The following SPATA17 variants were observed in gnomAD, a reference collection of about 807,000 sequenced individuals.
The protein encoded by SPATA17 is spermatogenesis-associated protein 17.
Under a neutral mutation model 62.2 loss-of-function variants are expected in SPATA17, and 53 were observed. The ratio of observed to expected loss-of-function variants is 0.85; its 90% CI spans 0.68 to 1.07. SPATA17 has a LOEUF of 1.07. Among genes scored for constraint, SPATA17 ranks in the 50% least tolerant of loss-of-function variants. The pLI, the probability that SPATA17 is intolerant of heterozygous loss-of-function variation, is 0.00. For synonymous variants in SPATA17, 146 were observed against 146.8 expected (o/e 0.99, Z 0.04); for missense variants, 466 against 425.5 (o/e 1.10, Z -0.84).
intron 5 of SPATA17, among the ~76,000 whole-genome samples, chr1:217,722,617 C>T (rs572190341): frequency 2.0e-5 from 3 of 152,136 alleles, no homozygotes; most frequent in Admixed American, 2.0e-4. Flanking sequence ...TTTGAATGAG[C>T]ATTTTTAAAG....
At chr1:217,860,721 C>T (rs988935980) in intron 9 of SPATA17, among the ~76,000 whole-genome samples, 1 of 151,998 alleles carries the variant, frequency 6.6e-6, no homozygotes, top group African/African-American at 2.4e-5. Flanking sequence ...TACTTTTACC[C>T]TGTGTTTTCA....
chr1:217,669,113 G>A, intron 4 of SPATA17, 30 bp downstream of exon 4: 1 of 1,599,084 alleles, frequency 6.3e-7, no homozygotes, highest in Non-Finnish European at 8.5e-7. Context: ...TTAAACAAAT[G>A]AAAAGTCAAT....
In SPATA17 at chr1:217,846,676, G is replaced by A. The variant is rs114088789; in HGVS notation, c.1006-16098G>A. On this transcript the variant is annotated intron_variant, in intron 9 of 10. Transcript: ENST00000366933. ...TATTTTTGCCTGTCCACATCAGAAC[G>A]TCATGTTATATATACTTGCTACTTT... Among the ~76,000 whole-genome samples the A allele has an allele frequency of 8.6e-3, 1,309 of 152,014 alleles. 12 individuals carry two copies. Among genetic ancestry groups the A allele is most frequent in the African/African-American group, 0.03 (1,242 of 41,500 alleles).
chr1:217,715,653 C>T (rs796616446), intron 5 of SPATA17, among the ~76,000 whole-genome samples: 51 of 149,958 alleles, frequency 3.4e-4, no homozygotes, highest in African/African-American at 1.2e-3. Flanking sequence ...TACATTCATA[C>T]ACTTAGCTTG....
At chr1:217,776,487 C>G (rs987275662) in intron 7 of SPATA17, among the ~76,000 whole-genome samples, 5 of 152,034 alleles carry the variant, frequency 3.3e-5, no homozygotes, top group Non-Finnish European at 5.9e-5. Context: ...GTTTGCCATT[C>G]TAGGTACAGC....
At chr1:217,707,775 C>T (rs370508623) in intron 5 of SPATA17, among the ~76,000 whole-genome samples, 6 of 152,322 alleles carry the variant, frequency 3.9e-5, no homozygotes, top group African/African-American at 1.4e-4. Flanking sequence ...GCACATGGTA[C>T]ATACTCTAAA....
At chr1:217,826,224 A>G (rs1294717693) in intron 9 of SPATA17, among the ~76,000 whole-genome samples, 1 of 152,126 alleles carries the variant, frequency 6.6e-6, no homozygotes, top group Non-Finnish European at 1.5e-5. Context: ...TTGTATGTAC[A>G]AATGGAGACA....
At chr1:217,846,621 A>G (rs1349345619) in intron 9 of SPATA17, among the ~76,000 whole-genome samples, 1 of 152,070 alleles carries the variant, frequency 6.6e-6, no homozygotes, top group Non-Finnish European at 1.5e-5. Context: ...CTGCTAATGG[A>G]TAGAAGAACA....
rs1472878627 is a variant in SPATA17 at position 217,678,110 on chromosome 1, C to T, written c.292-5148C>T. Among the ~76,000 whole-genome samples, 4 of 151,260 alleles carry T rather than the reference C, an allele frequency of 2.6e-5. No homozygotes were observed. The East Asian group carries it at 7.8e-4, about 29-fold the overall frequency. On this transcript the variant is annotated intron_variant, in intron 4 of 10. Coordinates refer to ENST00000366933, the MANE Select transcript of SPATA17 (RefSeq NM_138796.4). Reference sequence around the variant, plus strand: ...AAGTATAATTATGAATAACTGAGTTCTACTTCTGTGCTCTCATATACATTT... The same window carrying T: ...AAGTATAATTATGAATAACTGAGTTTTACTTCTGTGCTCTCATATACATTT...
intron 5 of SPATA17, among the ~76,000 whole-genome samples, chr1:217,728,615 T>C (rs891047817): frequency 1.3e-5 from 2 of 152,152 alleles, no homozygotes; most frequent in African/African-American, 4.8e-5. Context: ...TTTGTTAAAC[T>C]AATTATTTTA....
chr1:217,786,812 T>TCTC (rs1673883448), intron 8 of SPATA17, among the ~76,000 whole-genome samples: 1 of 149,860 alleles, frequency 6.7e-6, no homozygotes, highest in Non-Finnish European at 1.5e-5. Context: ...TTCTTCTTCT[T>TCTC]CCTCTGTATA....
At chr1:217,822,280 C>A (rs938088539) in intron 9 of SPATA17, among the ~76,000 whole-genome samples, 3 of 151,926 alleles carry the variant, frequency 2.0e-5, no homozygotes, top group Admixed American at 6.6e-5. Context: ...AGGTAAAATT[C>A]TTTTAAAAAC....
intron 9 of SPATA17, among the ~76,000 whole-genome samples, chr1:217,813,753 C>G: frequency 6.6e-6 from 1 of 151,862 alleles, no homozygotes; most frequent in South Asian, 2.1e-4. Flanking sequence ...CAGTAGGCTT[C>G]AGGAAAAGTA....
chr1:217,771,260 A>G (rs1050819166), intron 6 of SPATA17, among the ~76,000 whole-genome samples: 2 of 151,066 alleles, frequency 1.3e-5, no homozygotes, highest in African/African-American at 4.9e-5. Context: ...AGATTTCCCC[A>G]TAGTGTTGGT....
intron 9 of SPATA17, among the ~76,000 whole-genome samples, chr1:217,842,889 A>G (rs1675443008): frequency 6.6e-6 from 1 of 151,894 alleles, no homozygotes; most frequent in Non-Finnish European, 1.5e-5. Flanking sequence ...AAGGCTATAA[A>G]TTTCCCTCAG....
chr1:217,752,233 G>T (rs928391759), intron 6 of SPATA17, among the ~76,000 whole-genome samples: 1 of 151,914 alleles, frequency 6.6e-6, no homozygotes, highest in African/African-American at 2.4e-5. Context: ...TTGCTGTGTT[G>T]CCCAGGCTGC....
chr1:217,798,563 A>C (rs967965879), intron 8 of SPATA17, among the ~76,000 whole-genome samples: 1 of 151,962 alleles, frequency 6.6e-6, no homozygotes, highest in Non-Finnish European at 1.5e-5. Flanking sequence ...AATGATCATA[A>C]GGCATGTAAT....
chr1:217,639,270 C>T (rs959452312), intron 1 of SPATA17, among the ~76,000 whole-genome samples: 4 of 151,988 alleles, frequency 2.6e-5, no homozygotes, highest in Non-Finnish European at 4.4e-5. Flanking sequence ...AACACAGGAA[C>T]CCAAAAGACA....
At chr1:217,852,534 T>C (rs930051409) in intron 9 of SPATA17, among the ~76,000 whole-genome samples, 10 of 152,276 alleles carry the variant, frequency 6.6e-5, no homozygotes, top group Middle Eastern at 3.4e-3. Context: ...TTAACAGAAC[T>C]CTTTCCACAT....
Sources: allele counts gnomAD v4.1 joint callset (sites outside exome capture counted in the v4.1 genomes callset), GRCh38; gene constraint gnomAD v4.1.1; transcripts MANE v1.5; gene names NCBI Gene and HGNC (gene_info 2026-07-23, HGNC 2026-07-21).